Variants in WASF1 observed in about 807,000 individuals in gnomAD.
The protein encoded by WASF1 is WASP family member 1.
WASF1 carries 7 observed loss-of-function variants against 50.5 expected under a neutral mutation model. The ratio of observed to expected loss-of-function variants is 0.14; its 90% CI spans 0.08 to 0.26. WASF1 has a LOEUF of 0.26. Among genes scored for constraint, WASF1 ranks in the 10% least tolerant of loss-of-function variants. WASF1 has a pLI of 1.00. For synonymous variants in WASF1, 205 were observed against 244.0 expected, an observed-to-expected ratio of 0.84 and a Z score of 1.49; for missense variants, 470 against 694.7, an observed-to-expected ratio of 0.68 and a Z score of 3.64.
At chr6:110,162,843 T>C (rs971769434) in intron 2 of WASF1, among the ~76,000 whole-genome samples, 2 of 151,626 alleles carry the variant, frequency 1.3e-5, no homozygotes, top group Non-Finnish European at 3.0e-5. Flanking sequence ...CCTGCTAAAG[T>C]CAAGACAAGG....
chr6:110,134,329 T>C (rs1172843566), intron 3 of WASF1, among the ~76,000 whole-genome samples: 4 of 152,230 alleles, frequency 2.6e-5, no homozygotes, highest in Non-Finnish European at 4.4e-5. Context: ...TTTCCCCACT[T>C]TATGTTTTCA....
intron 5 of WASF1, 21 bp from the exon 6 acceptor site, chr6:110,108,702 T>C (rs773855806): frequency 1.2e-6 from 2 of 1,600,110 alleles, no homozygotes; most frequent in South Asian, 1.1e-5. Flanking sequence ...AATCAAGAAT[T>C]CATTTTATTT....
intron 3 of WASF1, among the ~76,000 whole-genome samples, chr6:110,144,812 G>A (rs557127952): frequency 0.032 from 4,852 of 152,092 alleles, 94 homozygotes; most frequent in Middle Eastern, 0.048. Context: ...TGTTCCATTG[G>A]TCTATCTCTC....
At chr6:110,128,884 T>C (rs1237057013) in intron 3 of WASF1, among the ~76,000 whole-genome samples, 2 of 152,182 alleles carry the variant, frequency 1.3e-5, no homozygotes, top group African/African-American at 4.8e-5. Context: ...TATTGTGAAC[T>C]GCACACGTGA....
chr6:110,133,710 A>G (rs1767887650), intron 3 of WASF1, among the ~76,000 whole-genome samples: 1 of 151,828 alleles, frequency 6.6e-6, no homozygotes, highest in Non-Finnish European at 1.5e-5. Flanking sequence ...TCATGTCCTT[A>G]GACTACTTTC....
chr6:110,175,265 A>T (rs780882112), intron 2 of WASF1, among the ~76,000 whole-genome samples: 1 of 152,184 alleles, frequency 6.6e-6, no homozygotes, highest in Non-Finnish European at 1.5e-5. Flanking sequence ...CTTTACCAAT[A>T]GCTCAAAATA....
chr6:110,124,695 C>T (rs961038211), intron 4 of WASF1, among the ~76,000 whole-genome samples: 4 of 151,916 alleles, frequency 2.6e-5, no homozygotes, highest in South Asian at 2.1e-4. Context: ...TCACTTGAGG[C>T]CAGAAGTTCA....
intron 3 of WASF1, among the ~76,000 whole-genome samples, chr6:110,147,475 T>C (rs1775626663): frequency 1.3e-5 from 2 of 152,166 alleles, no homozygotes; most frequent in African/African-American, 4.8e-5. Context: ...AGAAATAAGC[T>C]ACATACTCAG....
In WASF1 at chr6:110,179,099, C is replaced by A. The variant is rs977198553; in HGVS notation, c.-272+340G>T. ...GCCTCCCCCGGAAAGAGGCACGGGG[C>A]GGACCGCGGGCGCGGGTGGGCAGGG... On this transcript the variant is annotated intron_variant, in intron 1 of 10. Transcript: ENST00000392589. Among the ~76,000 whole-genome samples, 4 of 152,194 alleles carry A rather than the reference C, an allele frequency of 2.6e-5. No individual in the cohort carries two copies. In the East Asian group the frequency reaches 7.7e-4, roughly 29 times the overall value.
intron 4 of WASF1, among the ~76,000 whole-genome samples, chr6:110,127,266 A>G (rs1158869300): frequency 6.6e-6 from 1 of 152,112 alleles, no homozygotes; most frequent in African/African-American, 2.4e-5. Context: ...TTCTGTCCGT[A>G]TTTTCCTTTC....
chr6:110,115,191 TGA>T (rs1317809010), intron 4 of WASF1, among the ~76,000 whole-genome samples: 1 of 150,340 alleles, frequency 6.7e-6, no homozygotes, highest in African/African-American at 2.4e-5. Context: ...TTAATGCAGA[TGA>T]GAGTGTCCTA....
chr6:110,143,130 C>T (rs1215255404), intron 3 of WASF1, among the ~76,000 whole-genome samples: 2 of 151,718 alleles, frequency 1.3e-5, no homozygotes, highest in Non-Finnish European at 2.9e-5. Flanking sequence ...AATAACTTAG[C>T]TAAAATCTTA....
rs988482572 is a variant in WASF1 at position 110,158,546 on chromosome 6, G to T, written c.-29+2089C>A. ...TGATTTTTTGAAGAGGATCCTATTC[G>T]GCCATCTTGGCTCTTCCCCTAAAGT... On this transcript the variant is annotated intron_variant, in intron 3 of 10. Transcript: ENST00000392589. Among the ~76,000 whole-genome samples the T allele has an allele frequency of 1.8e-4, 24 of 130,526 alleles. 1 individual carries two copies. The highest frequency in any genetic ancestry group is 4.8e-5 in the Non-Finnish European group (3 of 62,688). 85.6% of individuals were successfully genotyped at this position (130,526 alleles called of 152,430 possible).
intron 5 of WASF1, among the ~76,000 whole-genome samples, chr6:110,111,860 T>A (rs1001404200): frequency 6.6e-6 from 1 of 152,144 alleles, no homozygotes; most frequent in Non-Finnish European, 1.5e-5. Context: ...GTGGTGACGG[T>A]TGCATAACTT....
Position 110,099,897 on chromosome 6 carries a change from A to C in WASF1, c.*625T>G, listed in dbSNP as rs913606745. On this transcript the variant is annotated 3_prime_UTR_variant, in exon 11 of 11. Transcript: ENST00000392589. Reference sequence around the variant, plus strand: ...TAAGTTACATGTATGTTTAAGTCAGAGTATTTCACATGGAAAAGTTTTTAA... The same window carrying C: ...TAAGTTACATGTATGTTTAAGTCAGCGTATTTCACATGGAAAAGTTTTTAA... 4 of 152,660 alleles carry C rather than the reference A, an allele frequency of 2.6e-5. No homozygotes were observed. Among genetic ancestry groups the C allele is most frequent in the Non-Finnish European group, 5.9e-5 (4 of 68,044 alleles). 9.5% of individuals were successfully genotyped at this position (152,660 alleles called of 1,614,324 possible).
At position 110,101,951 on chromosome 6, in the gene WASF1, G is replaced by C; in HGVS notation, c.1159C>G (p.Pro387Ala). Residue 387 changes from proline (P) to alanine (A), a missense_variant, in exon 10 of 11, where the codon CCT (proline) becomes GCT (alanine). Physicochemically the swap from Pro to Ala is conservative, Grantham distance 27. Around this residue, in one of 3 missense-constraint regions of WASF1, gnomAD observed 294 missense variants for 343.5 expected, o/e 0.86. Coordinates refer to ENST00000392589, the MANE Select transcript of WASF1 (RefSeq NM_003931.3). The part of the protein sequence containing the change: ...IAPGVLHPAP[P>A]PIAPPLVQPS... ...TGTACTAGAGGAGGTGCAATTGGAGGAGGAGCTGGGTGAAGAACTCCAGGG... is the reference window on the plus strand; with the variant it reads ...TGTACTAGAGGAGGTGCAATTGGAGCAGGAGCTGGGTGAAGAACTCCAGGG... 6.2e-7 allele frequency: 1 copy of C among 1,605,610 alleles called. No individual in the cohort carries two copies.
chr6:110,112,717 T>C (rs1228744856), intron 5 of WASF1, among the ~76,000 whole-genome samples: 1 of 152,018 alleles, frequency 6.6e-6, no homozygotes, highest in South Asian at 2.1e-4. Flanking sequence ...CGGACCAACA[T>C]GGTGAAACCC....
intron 3 of WASF1, among the ~76,000 whole-genome samples, chr6:110,144,197 A>G (rs1050974356): frequency 6.6e-6 from 1 of 152,126 alleles, no homozygotes; most frequent in Non-Finnish European, 1.5e-5. Context: ...TTTGATTTGC[A>G]TTTCTCTAAT....
chr6:110,146,507 C>A (rs563583731), intron 3 of WASF1, among the ~76,000 whole-genome samples: 1 of 151,622 alleles, frequency 6.6e-6, no homozygotes, highest in South Asian at 2.1e-4. Context: ...GCATGAAGAA[C>A]TGTACATTAA....
Sources: gnomAD v4.1 joint callset for allele counts (sites outside exome capture counted in the v4.1 genomes callset) on GRCh38, gnomAD v4.1.1 for gene constraint, gnomAD v4.1.1 regional missense constraint, MANE v1.5 for transcripts, NCBI Gene and HGNC (gene_info 2026-07-23, HGNC 2026-07-21) for gene names.